Variants in ARNT2 observed in about 807,000 individuals in gnomAD.
ARNT2 encodes the protein aryl hydrocarbon receptor nuclear translocator 2.
Under a neutral mutation model 91.7 loss-of-function variants are expected in ARNT2, and 36 were observed. The ratio of observed to expected loss-of-function variants is 0.39; its 90% confidence interval spans 0.30 to 0.52. ARNT2 has a LOEUF of 0.52. ARNT2 is among the 20% of genes least tolerant of loss of function. The pLI, the probability that ARNT2 is intolerant of heterozygous loss-of-function variation, is 0.72. For synonymous variants in ARNT2, 365 were observed against 347.1 expected, an observed-to-expected ratio of 1.05 and a Z score of -0.57; for missense variants, 775 against 939.3, an observed-to-expected ratio of 0.83 and a Z score of 2.29.
chr15:80,566,459 A>G (rs1423134455), intron 12 of ARNT2, among the ~76,000 whole-genome samples: 2 of 151,264 alleles, frequency 1.3e-5, no homozygotes, highest in Admixed American at 1.3e-4. Context: ...GACTCCCGTG[A>G]CCCTCCCTTC....
rs1463788368 is a variant in ARNT2 at position 80,562,844 on chromosome 15, G to A, written c.1165-244G>A. The A allele has an allele frequency of 5.1e-6, 3 of 588,110 alleles. No individual in the cohort carries two copies. In the East Asian group the frequency reaches 8.3e-5, roughly 16 times the overall value. 36.4% of individuals were successfully genotyped at this position (588,110 alleles called of 1,614,324 possible). A position where few individuals can be genotyped will look rare whatever the true frequency, so the allele number is the denominator to read the frequency against. Reference sequence around the variant, plus strand: ...AGTTCTGCTATAAAGCAGGCATTGAGTGGTTGCTTTCTCATACCGTGGTTA... The same window carrying A: ...AGTTCTGCTATAAAGCAGGCATTGAATGGTTGCTTTCTCATACCGTGGTTA... On this transcript the variant is annotated intron_variant, in intron 11 of 18. Coordinates refer to ENST00000303329, the MANE Select transcript of ARNT2 (RefSeq NM_014862.4).
chr15:80,560,584 G>C (rs777595301), intron 11 of ARNT2, among the ~76,000 whole-genome samples: 3 of 152,146 alleles, frequency 2.0e-5, no homozygotes, highest in Non-Finnish European at 2.9e-5. Flanking sequence ...ACTGTCTCGG[G>C]CGTTCTAGTT....
At chr15:80,544,240 T>C (rs1033052723) in intron 8 of ARNT2, among the ~76,000 whole-genome samples, 2 of 152,230 alleles carry the variant, frequency 1.3e-5, no homozygotes, top group African/African-American at 4.8e-5. Flanking sequence ...TTTTCCTTCA[T>C]TATGGGTTGT....
At chr15:80,484,808 G>A (rs993076983) in intron 5 of ARNT2, among the ~76,000 whole-genome samples, 3 of 152,222 alleles carry the variant, frequency 2.0e-5, no homozygotes, top group African/African-American at 7.2e-5. Context: ...GAGTGGTGGT[G>A]GGGATGGGGG....
intron 17 of ARNT2, among the ~76,000 whole-genome samples, chr15:80,582,375 A>G (rs2141482128): frequency 6.6e-6 from 1 of 151,974 alleles, no homozygotes; most frequent in East Asian, 1.9e-4. Context: ...GCATGCCTGT[A>G]ATTCCAGCTA....
At chr15:80,474,527 C>T (rs567072068) in intron 4 of ARNT2, among the ~76,000 whole-genome samples, 1 of 152,294 alleles carries the variant, frequency 6.6e-6, no homozygotes, top group South Asian at 2.1e-4. Flanking sequence ...ACTTTCAGTA[C>T]GGCAAGCTGT....
At chr15:80,588,562 C>T (rs929547839) in intron 17 of ARNT2, among the ~76,000 whole-genome samples, 1 of 152,150 alleles carries the variant, frequency 6.6e-6, no homozygotes, top group Non-Finnish European at 1.5e-5. Flanking sequence ...GCTTACCCTC[C>T]AGCCTTATCT....
At chr15:80,508,972 A>G (rs1897307874) in intron 6 of ARNT2, among the ~76,000 whole-genome samples, 1 of 152,206 alleles carries the variant, frequency 6.6e-6, no homozygotes, top group Admixed American at 6.5e-5. Flanking sequence ...GTTGACATGA[A>G]CTGCAAGGTG....
At chr15:80,411,447 A>G (rs1043940492) in intron 1 of ARNT2, among the ~76,000 whole-genome samples, 4 of 152,228 alleles carry the variant, frequency 2.6e-5, no homozygotes, top group Non-Finnish European at 5.9e-5. Flanking sequence ...GAAGGAAAGA[A>G]AGCATATATC....
At chr15:80,408,641 T>C (rs557805561) in intron 1 of ARNT2, among the ~76,000 whole-genome samples, 4 of 152,246 alleles carry the variant, frequency 2.6e-5, no homozygotes, top group Admixed American at 2.6e-4. Flanking sequence ...TGTCCTGCCT[T>C]GAGTAGGGCT....
intron 1 of ARNT2, 69 bp from the exon 2 acceptor site, chr15:80,450,811 C>T: frequency 2.7e-6 from 4 of 1,508,166 alleles, no homozygotes; most frequent in Non-Finnish European, 3.7e-6. Context: ...GGTACCGTAT[C>T]ACAACTTTCT....
chr15:80,489,356 G>T (rs940737688), intron 5 of ARNT2, among the ~76,000 whole-genome samples: 11 of 152,140 alleles, frequency 7.2e-5, no homozygotes, highest in Non-Finnish European at 8.8e-5. Context: ...CTTTATTTTT[G>T]TAGATTCTTT....
chr15:80,447,469 G>A (rs1595966845), intron 1 of ARNT2, among the ~76,000 whole-genome samples: 1 of 152,198 alleles, frequency 6.6e-6, no homozygotes, highest in East Asian at 1.9e-4. Context: ...TCATCAACTG[G>A]CTTGCAGGGC....
rs548305168 is a variant in ARNT2 at position 80,475,841 on chromosome 15, A to G, written c.622+618A>G. ...CATGTGATTTTCTGTGATCCTGACC[A>G]TAAACATTCATTACCCAGGCCTTAG... is the stretch of plus-strand genomic sequence containing the variant. On this transcript the variant is annotated intron_variant, in intron 5 of 18. Transcript: ENST00000303329. 2.4e-4 allele frequency among the ~76,000 whole-genome samples: 37 copies of G among 152,314 alleles called. No homozygotes were observed. The South Asian group carries it at 7.7e-3, about 32-fold the overall frequency.
chr15:80,552,190 G>A (rs1460429021), intron 9 of ARNT2, among the ~76,000 whole-genome samples: 1 of 152,206 alleles, frequency 6.6e-6, no homozygotes, highest in Non-Finnish European at 1.5e-5. Flanking sequence ...GCACATGGGT[G>A]AAGAAAGAAT....
intron 12 of ARNT2, among the ~76,000 whole-genome samples, chr15:80,571,932 G>T (rs1213078720): frequency 6.6e-6 from 1 of 152,128 alleles, no homozygotes; most frequent in Non-Finnish European, 1.5e-5. Context: ...TAATATGGGG[G>T]TGAAGTAACC....
At chr15:80,513,786 G>A (rs970677434) in intron 6 of ARNT2, 125 bp from the exon 7 acceptor site, 1 of 725,434 alleles carries the variant, frequency 1.4e-6, no homozygotes, top group Non-Finnish European at 2.3e-6. Context: ...AAGAAAATTG[G>A]CTATAGGCGT....
rs539847632 is a variant in ARNT2 at position 80,555,132 on chromosome 15, T to C, written c.1157T>C (p.Phe386Ser). The change falls in exon 11 of 19, where the codon TTC becomes TCC. Residue 386 changes from phenylalanine to serine, a missense_variant. Transcript: ENST00000303329. The stretch of plus-strand genomic sequence containing the variant: ...GATCAAAGCCATCTGCGTGAGAGCT[T>C]CCAGCAGGTACATACTGCCAGTACC... The part of the protein sequence containing the change: ...PEDQSHLRES[F>S]QQVVKLKGQV... 1 of 1,614,180 alleles carries C rather than the reference T, an allele frequency of 6.2e-7. No homozygotes were observed. Among genetic ancestry groups the C allele is most frequent in the South Asian group, 1.1e-5 (1 of 91,078 alleles).
At chr15:80,479,279 G>A (rs57287617) in intron 5 of ARNT2, among the ~76,000 whole-genome samples, 1,867 of 152,300 alleles carry the variant, frequency 0.012, 44 homozygotes, top group African/African-American at 0.042. Context: ...TGATGGTGGA[G>A]TTCTTTGTTG....
Sources: gnomAD v4.1 joint callset for allele counts (sites outside exome capture counted in the v4.1 genomes callset) on GRCh38, gnomAD v4.1.1 for gene constraint, MANE v1.5 for transcripts, NCBI Gene and HGNC (gene_info 2026-07-23, HGNC 2026-07-21) for gene names.